Variants in BMERB1 observed in about 807,000 individuals in gnomAD.
BMERB1 encodes bMERB domain-containing protein 1.
Under a neutral mutation model 23.6 loss-of-function variants are expected in BMERB1, and 12 were observed. The observed-to-expected ratio is 0.51, with a 90% CI of 0.33 to 0.82. BMERB1 has a LOEUF of 0.82. BMERB1 is among the 40% of genes least tolerant of loss of function. The pLI is 0.03. For synonymous variants in BMERB1, 122 were observed against 96.6 expected (o/e 1.26, Z -1.54); for missense variants, 247 against 255.4 (o/e 0.97, Z 0.22).
intron 1 of BMERB1, among the ~76,000 whole-genome samples, chr16:15,490,721 G>A (rs1024444569): frequency 2.0e-5 from 3 of 152,222 alleles, no homozygotes; most frequent in South Asian, 2.1e-4. Context: ...GCACCTTCCC[G>A]GCTGTCCCAC....
chr16:15,539,566 A>T (rs1006619728), intron 2 of BMERB1, among the ~76,000 whole-genome samples: 7 of 151,990 alleles, frequency 4.6e-5, no homozygotes, highest in Non-Finnish European at 1.0e-4. Context: ...TTTTTCGGCC[A>T]GGCATGGTAG....
chr16:15,486,523 C>A (rs984204299), intron 1 of BMERB1, among the ~76,000 whole-genome samples: 1 of 152,122 alleles, frequency 6.6e-6, no homozygotes. Flanking sequence ...ACCAAAAGCT[C>A]AGGGAAGGAG....
At chr16:15,477,895 G>C (rs1392990307) in intron 1 of BMERB1, among the ~76,000 whole-genome samples, 1 of 152,090 alleles carries the variant, frequency 6.6e-6, no homozygotes, top group Non-Finnish European at 1.5e-5. Context: ...ATCTCCTTAT[G>C]CTTGTCTGCT....
At position 15,572,564 on chromosome 16, in the gene BMERB1, T is replaced by C. The variant is rs575401941; in HGVS notation, c.304+4508T>C. Among the ~76,000 whole-genome samples the C allele has an allele frequency of 6.6e-5, 10 of 152,354 alleles. No homozygotes were observed. The South Asian group carries it at 1.2e-3, about 19-fold the overall frequency. On this transcript the variant is annotated intron_variant, in intron 3 of 5. Transcript: ENST00000300006. ...GATGAACTGCATGGTATGTGAATCA[T>C]ATTGCAATAAAGCTGTTACCAAAAA...
intron 2 of BMERB1, among the ~76,000 whole-genome samples, chr16:15,565,907 C>T (rs2030550544): frequency 6.6e-6 from 1 of 152,148 alleles, no homozygotes; most frequent in Non-Finnish European, 1.5e-5. Context: ...ACCTGTGTAT[C>T]ACGGGGAAGT....
intron 2 of BMERB1, 46 bp downstream of exon 2, chr16:15,515,474 G>C (rs758048657): frequency 1.9e-6 from 3 of 1,592,202 alleles, no homozygotes; most frequent in Non-Finnish European, 2.6e-6. Context: ...GTGTGGAGGA[G>C]AGAGGAAAAC....
intron 1 of BMERB1, among the ~76,000 whole-genome samples, chr16:15,456,133 C>T (rs956568289): frequency 6.6e-6 from 1 of 152,122 alleles, no homozygotes; most frequent in African/African-American, 2.4e-5. Flanking sequence ...GTACTTTCTA[C>T]TTCAGGAAGA....
rs182517019 is a variant in BMERB1 at position 15,587,910 on chromosome 16, G to A, written c.*1081G>A. The A allele has an allele frequency of 7.1e-4, 110 of 154,350 alleles. No homozygotes were observed. The highest frequency in any genetic ancestry group is 2.1e-3 in the Admixed American group (32 of 15,422). 9.6% of individuals were successfully genotyped at this position (154,350 alleles called of 1,614,324 possible). ...CTAAGTAGTTAGCATAACTCAAGAT[G>A]CTGATGTGCAGTCACCCATCAGAGA... is the stretch of plus-strand genomic sequence containing the variant. On this transcript the variant is annotated 3_prime_UTR_variant, in exon 6 of 6. Transcript: ENST00000300006.
At chr16:15,545,999 G>C (rs774439119) in intron 2 of BMERB1, among the ~76,000 whole-genome samples, 3 of 151,466 alleles carry the variant, frequency 2.0e-5, no homozygotes, top group Non-Finnish European at 4.4e-5. Flanking sequence ...CAAAGAAGAG[G>C]GTGGGGGCCA....
intron 1 of BMERB1, among the ~76,000 whole-genome samples, chr16:15,438,244 G>T (rs370213801): frequency 6.6e-5 from 10 of 151,104 alleles, no homozygotes; most frequent in African/African-American, 2.2e-4. Context: ...CTGCCACCAC[G>T]CTCAACTAAT....
intron 1 of BMERB1, among the ~76,000 whole-genome samples, chr16:15,452,193 A>G (rs1252480853): frequency 2.0e-5 from 3 of 151,060 alleles, no homozygotes; most frequent in African/African-American, 7.3e-5. Context: ...AGGCAGGAGG[A>G]TTGCTTGAAC....
In BMERB1 at chr16:15,498,143, T is replaced by C. The variant is rs190848085; in HGVS notation, c.107-17162T>C. Among the ~76,000 whole-genome samples, 34 of 152,258 alleles carry C rather than the reference T, an allele frequency of 2.2e-4. 1 individual carries two copies. Among genetic ancestry groups the C allele is most frequent in the Admixed American group, 1.0e-3 (16 of 15,298 alleles). Reference sequence around the variant, plus strand: ...TGCTGGGTCTCCTCCAGGGAGATTTTGATTCAGTAGGTCCAGGAGAAGCCC... The same window carrying C: ...TGCTGGGTCTCCTCCAGGGAGATTTCGATTCAGTAGGTCCAGGAGAAGCCC... On this transcript the variant is annotated intron_variant, in intron 1 of 5. Transcript: ENST00000300006.
At chr16:15,566,665 AAAAAAT>A (rs1045969910) in intron 2 of BMERB1, among the ~76,000 whole-genome samples, 9 of 151,994 alleles carry the variant, frequency 5.9e-5, no homozygotes, top group Non-Finnish European at 7.4e-5. Flanking sequence ...GACTGTCTAA[AAAAAAT>A]AAAAATAAAA....
intron 2 of BMERB1, among the ~76,000 whole-genome samples, chr16:15,524,239 G>C (rs549621963): frequency 6.6e-6 from 1 of 152,272 alleles, no homozygotes; most frequent in Admixed American, 6.5e-5. Context: ...TATCGGATGG[G>C]AAGAGATGCC....
intron 1 of BMERB1, among the ~76,000 whole-genome samples, chr16:15,454,956 G>T (rs966762631): frequency 3.9e-5 from 6 of 152,128 alleles, no homozygotes; most frequent in Non-Finnish European, 7.3e-5. Flanking sequence ...TGAATACTTT[G>T]TGAGAAATCA....
In BMERB1 at chr16:15,502,281, G is replaced by A. The variant is rs551640861; in HGVS notation, c.107-13024G>A. 9 of 1,551,254 alleles carry A rather than the reference G, an allele frequency of 5.8e-6. No homozygotes were observed. In the African/African-American group the frequency reaches 1.1e-4, roughly 19 times the overall value. On this transcript the variant is annotated intron_variant, in intron 1 of 5. Coordinates refer to ENST00000300006, the MANE Select transcript of BMERB1 (RefSeq NM_033201.3). ...CACTGGAGAATAACAATCATAGCCAGGATGTGAAGCCTGTCAGTTTCCTCA... is the reference window on the plus strand; with the variant it reads ...CACTGGAGAATAACAATCATAGCCAAGATGTGAAGCCTGTCAGTTTCCTCA...
chr16:15,563,231 A>G (rs1449504540), intron 2 of BMERB1, among the ~76,000 whole-genome samples: 1 of 152,088 alleles, frequency 6.6e-6, no homozygotes, highest in East Asian at 1.9e-4. Context: ...TAAAGAAACA[A>G]AAAAATTTTT....
chr16:15,520,260 A>G (rs2051833976), intron 2 of BMERB1, among the ~76,000 whole-genome samples: 1 of 152,036 alleles, frequency 6.6e-6, no homozygotes, highest in South Asian at 2.1e-4. Context: ...CTGTTCTGTT[A>G]TCTTTATTCT....
intron 2 of BMERB1, among the ~76,000 whole-genome samples, chr16:15,556,582 T>TTTTA (rs1032112983): frequency 6.3e-4 from 96 of 152,084 alleles, no homozygotes; most frequent in East Asian, 5.4e-3. Flanking sequence ...ATTTATTTAT[T>TTTTA]TTTATTTATT....
Sources: gnomAD v4.1 joint callset for allele counts (sites outside exome capture counted in the v4.1 genomes callset) on GRCh38, gnomAD v4.1.1 for gene constraint, MANE v1.5 for transcripts, NCBI Gene and HGNC (gene_info 2026-07-23, HGNC 2026-07-21) for gene names.